RCAN2: variants seen among roughly 807,000 people sequenced by gnomAD.
RCAN2 encodes the protein calcipressin-2.
Under a neutral mutation model 23.6 loss-of-function variants are expected in RCAN2, and 9 were observed. That is an observed-to-expected ratio of 0.38 (90% CI 0.23 to 0.67). The LOEUF (loss-of-function observed/expected upper bound fraction) is 0.67, where lower values mean the gene tolerates loss of function less well. RCAN2 is among the 30% of genes least tolerant of loss of function. The pLI is 0.51. For missense variants in RCAN2, 273 were observed against 302.3 expected, an observed-to-expected ratio of 0.90 and a Z score of 0.72; for synonymous variants, 109 against 115.7, an observed-to-expected ratio of 0.94 and a Z score of 0.37.
intron 2 of RCAN2, among the ~76,000 whole-genome samples, chr6:46,428,358 C>T (rs1767091847): frequency 6.6e-6 from 1 of 152,130 alleles, no homozygotes; most frequent in African/African-American, 2.4e-5. Flanking sequence ...TATTTATTCC[C>T]ACTGAAAATC....
intron 2 of RCAN2, among the ~76,000 whole-genome samples, chr6:46,366,850 A>G (rs997048448): frequency 6.6e-6 from 1 of 151,448 alleles, no homozygotes. Flanking sequence ...ACTGCAAGAC[A>G]TCACTGCAGT....
intron 2 of RCAN2, among the ~76,000 whole-genome samples, chr6:46,455,692 T>C (rs1767999146): frequency 6.6e-6 from 1 of 151,580 alleles, no homozygotes; most frequent in South Asian, 2.1e-4. Flanking sequence ...CCATCTCTAC[T>C]AAAAATACAA....
At chr6:46,323,005 T>C (rs1189310373) in intron 2 of RCAN2, among the ~76,000 whole-genome samples, 1 of 152,224 alleles carries the variant, frequency 6.6e-6, no homozygotes, top group Non-Finnish European at 1.5e-5. Flanking sequence ...TTTAATAATG[T>C]TACTGCTTTA....
chr6:46,309,373 A>G (rs1390321439), intron 2 of RCAN2, among the ~76,000 whole-genome samples: 1 of 152,164 alleles, frequency 6.6e-6, no homozygotes, highest in Non-Finnish European at 1.5e-5. Flanking sequence ...TTCACATAGT[A>G]TTAAGAGAGA....
chr6:46,225,640 T>C (rs1440254491), intron 4 of RCAN2, among the ~76,000 whole-genome samples: 1 of 152,240 alleles, frequency 6.6e-6, no homozygotes, highest in African/African-American at 2.4e-5. Context: ...GTTTGATTTT[T>C]TTTCTTGTAA....
chr6:46,410,294 A>C (rs543694358), intron 2 of RCAN2, among the ~76,000 whole-genome samples: 2 of 152,292 alleles, frequency 1.3e-5, no homozygotes, highest in Admixed American at 6.5e-5. Context: ...CATCATTGCT[A>C]AGCTAATTTC....
chr6:46,369,454 G>A (rs923802596), intron 2 of RCAN2, among the ~76,000 whole-genome samples: 8 of 152,130 alleles, frequency 5.3e-5, no homozygotes, highest in African/African-American at 1.9e-4. Context: ...AGTATAATAT[G>A]TTTGTTTATA....
intron 2 of RCAN2, among the ~76,000 whole-genome samples, chr6:46,385,809 A>T (rs1188261015): frequency 6.8e-6 from 1 of 146,268 alleles, no homozygotes; most frequent in Non-Finnish European, 1.5e-5. Context: ...GTGAGCCAAG[A>T]TCATGCCATT....
intron 2 of RCAN2, among the ~76,000 whole-genome samples, chr6:46,392,627 C>T (rs900550626): frequency 2.0e-5 from 3 of 152,140 alleles, no homozygotes; most frequent in Non-Finnish European, 4.4e-5. Flanking sequence ...TGTTTATCCT[C>T]ACATATTTGC....
chr6:46,468,752 T>C (rs1371460158), intron 1 of RCAN2: 4 of 931,050 alleles, frequency 4.3e-6, no homozygotes, highest in Non-Finnish European at 3.8e-6. Flanking sequence ...CTCTTCTCTC[T>C]CCCCACTCTT....
At chr6:46,286,946 G>A (rs939928729) in intron 2 of RCAN2, among the ~76,000 whole-genome samples, 7 of 151,958 alleles carry the variant, frequency 4.6e-5, no homozygotes, top group East Asian at 1.9e-4. Flanking sequence ...TGGAGGTTGC[G>A]GTGAGCCGAG....
At chr6:46,397,586 C>T (rs189473524) in intron 2 of RCAN2, among the ~76,000 whole-genome samples, 52 of 152,218 alleles carry the variant, frequency 3.4e-4, no homozygotes, top group African/African-American at 1.2e-3. Flanking sequence ...ACTTTGTATA[C>T]ATCTATAATT....
chr6:46,411,718 G>A (rs545078631), intron 2 of RCAN2, among the ~76,000 whole-genome samples: 1 of 152,244 alleles, frequency 6.6e-6, no homozygotes, highest in South Asian at 2.1e-4. Flanking sequence ...AGTCAGTGAA[G>A]CTGAGATCTG....
At chr6:46,383,993 G>A (rs1303404637) in intron 2 of RCAN2, among the ~76,000 whole-genome samples, 1 of 152,120 alleles carries the variant, frequency 6.6e-6, no homozygotes, top group Non-Finnish European at 1.5e-5. Flanking sequence ...TACAATAGCA[G>A]GACAAAAGGA....
At chr6:46,394,004 GGCCT>G (rs1766012099) in intron 2 of RCAN2, among the ~76,000 whole-genome samples, 1 of 152,154 alleles carries the variant, frequency 6.6e-6, no homozygotes, top group Non-Finnish European at 1.5e-5. Flanking sequence ...CATGTCCTTA[GGCCT>G]GTGACTTCAA....
At chr6:46,402,447 A>G (rs775528637) in intron 2 of RCAN2, among the ~76,000 whole-genome samples, 2 of 152,140 alleles carry the variant, frequency 1.3e-5, no homozygotes, top group Admixed American at 6.5e-5. Context: ...CTCTTCCCCA[A>G]GGCAAGTCAG....
chr6:46,420,730 A>G (rs1766862701), intron 2 of RCAN2, among the ~76,000 whole-genome samples: 1 of 151,878 alleles, frequency 6.6e-6, no homozygotes, highest in African/African-American at 2.4e-5. Context: ...TACTTTTAGT[A>G]GAGATGGGGT....
chr6:46,333,108 T>A (rs1764035985), intron 2 of RCAN2, among the ~76,000 whole-genome samples: 2 of 152,244 alleles, frequency 1.3e-5, no homozygotes, highest in Admixed American at 1.3e-4. Context: ...AAATGTCTTC[T>A]TTTGAGAAGT....
At chr6:46,294,808 T>C (rs1205728818) in intron 2 of RCAN2, among the ~76,000 whole-genome samples, 1 of 152,176 alleles carries the variant, frequency 6.6e-6, no homozygotes, top group Non-Finnish European at 1.5e-5. Flanking sequence ...AATGAAAACT[T>C]TTTGTTATGT....
Sources: gnomAD v4.1 joint callset for allele counts (sites outside exome capture counted in the v4.1 genomes callset) on GRCh38, gnomAD v4.1.1 for gene constraint, MANE v1.5 for transcripts, NCBI Gene and HGNC (gene_info 2026-07-23, HGNC 2026-07-21) for gene names.